Variants in ATP6V1B1 observed in about 807,000 individuals in gnomAD.
ATP6V1B1 encodes the protein ATPase H+ transporting V1 subunit B1, also known as V-type proton ATPase subunit B, kidney isoform.
In ATP6V1B1, 41 loss-of-function variants were observed where a neutral mutation model predicts 62.1. That is an observed-to-expected ratio of 0.66 (90% CI 0.51 to 0.86). The LOEUF is 0.86. Ranked by LOEUF, ATP6V1B1 falls within the 40% of genes least tolerant of loss-of-function variation. ATP6V1B1 has a pLI of 0.00. For missense variants in ATP6V1B1, 651 were observed against 697.5 expected, an observed-to-expected ratio of 0.93 and a Z score of 0.75; for synonymous variants, 253 against 273.4, an observed-to-expected ratio of 0.93 and a Z score of 0.74.
At chr2:70,958,505 A>T in intron 4 of ATP6V1B1, 79 bp downstream of exon 4, 1 of 1,335,992 alleles carries the variant, frequency 7.5e-7, no homozygotes, top group Non-Finnish European at 1.1e-6. Flanking sequence ...CCCTCAGCAC[A>T]CTACACTGTC....
chr2:70,938,962 C>T (rs1553415980), intron 1 of ATP6V1B1, among the ~76,000 whole-genome samples: 1 of 152,246 alleles, frequency 6.6e-6, no homozygotes, highest in Non-Finnish European at 1.5e-5. Context: ...AGGAGTTACA[C>T]GGAGAGAGTC....
chr2:70,964,344 G>C, intron 11 of ATP6V1B1, 94 bp from the exon 12 acceptor site: 1 of 1,321,170 alleles, frequency 7.6e-7, no homozygotes, highest in South Asian at 1.2e-5. Flanking sequence ...CGGAATGTAG[G>C]ATAAGTGAGG....
At chr2:70,962,059 T>C (rs573500897) in intron 8 of ATP6V1B1, among the ~76,000 whole-genome samples, 1 of 151,918 alleles carries the variant, frequency 6.6e-6, no homozygotes, top group East Asian at 1.9e-4. Flanking sequence ...GGGGGTCAGG[T>C]GGATGAAAAC....
At chr2:70,939,125 C>A (rs1679925124) in intron 1 of ATP6V1B1, among the ~76,000 whole-genome samples, 1 of 152,262 alleles carries the variant, frequency 6.6e-6, no homozygotes, top group South Asian at 2.1e-4. Context: ...CTGTCTCAGC[C>A]CTCTCCCAGG....
At chr2:70,941,479 G>A (rs1680004239) in intron 1 of ATP6V1B1, 19 of 981,496 alleles carry the variant, frequency 1.9e-5, no homozygotes, top group Middle Eastern at 5.2e-4. Context: ...CAGCTCAAAC[G>A]GCCCTTCCCA....
At chr2:70,940,333 C>A (rs1679962035) in intron 1 of ATP6V1B1, 1 of 907,166 alleles carries the variant, frequency 1.1e-6, no homozygotes, top group Non-Finnish European at 1.3e-6. Context: ...GCCCCATCCC[C>A]TCCCACACCC....
At chr2:70,943,319 A>C (rs1250696474) in intron 1 of ATP6V1B1, 2 of 508,650 alleles carry the variant, frequency 3.9e-6, no homozygotes, top group Non-Finnish European at 7.2e-6. Flanking sequence ...GCTTGGAGTG[A>C]GAGAGGAGGG....
At chr2:70,948,362 C>T (rs1461671404) in intron 2 of ATP6V1B1, 3 of 154,408 alleles carry the variant, frequency 1.9e-5, no homozygotes, top group Middle Eastern at 5.1e-4. Context: ...CCTCAGCCTC[C>T]CGAGTAGCTA....
At position 70,963,148 on chromosome 2, in the gene ATP6V1B1, C is replaced by T. The variant is rs1553420406; in HGVS notation, c.910-14C>T. 6.2e-7 allele frequency: 1 copy of T among 1,614,082 alleles called. No individual in the cohort carries two copies. On this transcript the variant is annotated splice_polypyrimidine_tract_variant and intron_variant, in intron 9 of 13. Coordinates refer to ENST00000234396, the MANE Select transcript of ATP6V1B1 (RefSeq NM_001692.4). The surrounding 1 kb of genome is among the most constrained non-coding windows in gnomAD (Gnocchi z 4.3). ...TCATCCCCTTTCTTACCCCAGTGCC[C>T]ATGGATATTGCAGGTCTCTGCTGCT... is the stretch of plus-strand genomic sequence containing the variant.
chr2:70,936,154 G>A, intron 1 of ATP6V1B1, 82 bp downstream of exon 1: 1 of 1,450,248 alleles, frequency 6.9e-7, no homozygotes, highest in Non-Finnish European at 9.6e-7. Flanking sequence ...CCCGCTTCTT[G>A]CCTCAGAAAA....
chr2:70,960,383 C>T (rs927165389), intron 6 of ATP6V1B1, among the ~76,000 whole-genome samples: 9 of 152,196 alleles, frequency 5.9e-5, no homozygotes, highest in African/African-American at 2.2e-4. Context: ...TTTACTCACC[C>T]GCTCCTGCTT....
chr2:70,963,625 T>G lies in ATP6V1B1; in HGVS notation c.1114T>G (p.Tyr372Asp). ...LTGFITEGQI[Y>D]VDRQLHNRQI... ...GGGCTTCATCACAGAGGGACAGATC[T>G]ACGTGGACAGACAGCTTCACAACAG... is the stretch of plus-strand genomic sequence containing the variant. Residue 372 changes from tyrosine to aspartate, a missense_variant, in exon 11 of 14, where the codon TAC becomes GAC. Coordinates refer to ENST00000234396, the MANE Select transcript of ATP6V1B1 (RefSeq NM_001692.4). This position sits in a 1 kb window ranked among gnomAD's most constrained non-coding sequence, Gnocchi z 4.3. 1 of 1,614,180 alleles carries G rather than the reference T, an allele frequency of 6.2e-7. No homozygotes were observed.
At position 70,963,489 on chromosome 2, in the gene ATP6V1B1, T is replaced by C; in HGVS notation, c.1061-83T>C. 2 of 1,541,366 alleles carry C rather than the reference T, an allele frequency of 1.3e-6. No homozygotes were observed. The highest frequency in any genetic ancestry group is 1.8e-6 in the Non-Finnish European group (2 of 1,115,770). On this transcript the variant is annotated intron_variant, in intron 10 of 13. Coordinates refer to ENST00000234396, the MANE Select transcript of ATP6V1B1 (RefSeq NM_001692.4). This position sits in a 1 kb window ranked among gnomAD's most constrained non-coding sequence, Gnocchi z 4.3. ...CCCCCACACATCCCTATCACTCCCA[T>C]GAGGGAAACAGACCCCAGGTGGCCC...
Position 70,958,407 on chromosome 2 carries a change from G to C in ATP6V1B1, c.348G>C (p.Pro116=). The C allele has an allele frequency of 6.2e-7, 1 of 1,613,976 alleles. No individual in the cohort carries two copies. The highest frequency in any genetic ancestry group is 8.5e-7 in the Non-Finnish European group (1 of 1,179,944). ...TTACAGGGGACATCCTACGAACTCCGGTGTCAGAGGACATGCTGGGTGAGG... is the reference window on the plus strand; with the variant it reads ...TTACAGGGGACATCCTACGAACTCCCGTGTCAGAGGACATGCTGGGTGAGG... The part of the protein sequence containing the change: ...CEFTGDILRT[P]VSEDMLGRVF... Residue 116 remains proline (P), a synonymous_variant, in exon 4 of 14, where the codon CCG becomes CCC. Transcript: ENST00000234396.
Position 70,963,465 on chromosome 2 carries a change from C to T in ATP6V1B1, c.1061-107C>T. Reference sequence around the variant, plus strand: ...TGCCCTTTCCTCCACCATCCATGCCCCCCACACATCCCTATCACTCCCATG... The same window carrying T: ...TGCCCTTTCCTCCACCATCCATGCCTCCCACACATCCCTATCACTCCCATG... On this transcript the variant is annotated intron_variant, in intron 10 of 13. Transcript: ENST00000234396. This position sits in a 1 kb window ranked among gnomAD's most constrained non-coding sequence, Gnocchi z 4.3. 1 of 1,521,874 alleles carries T rather than the reference C, an allele frequency of 6.6e-7. No homozygotes were observed. The highest frequency in any genetic ancestry group is 9.1e-7 in the Non-Finnish European group (1 of 1,101,130). The allele number at this position is 1,521,874 out of a possible 1,614,324, so 94.3% of individuals were successfully genotyped here. A position where few individuals can be genotyped will look rare whatever the true frequency, so the allele number is the denominator to read the frequency against.
chr2:70,957,139 T>G (rs1171122736), intron 2 of ATP6V1B1, among the ~76,000 whole-genome samples: 2 of 146,974 alleles, frequency 1.4e-5, no homozygotes, highest in Non-Finnish European at 3.0e-5. Context: ...CAGGCTGGAG[T>G]GCAGTGGCGT....
chr2:70,955,010 C>G lies in ATP6V1B1; in HGVS notation c.175-3036C>G, dbSNP rs186258611. ...CCAGCTTCCCAGGCCAAGTCTGTGACCTCCTCTAGCTGTGGGTAAAGACTG... is the reference window on the plus strand; with the variant it reads ...CCAGCTTCCCAGGCCAAGTCTGTGAGCTCCTCTAGCTGTGGGTAAAGACTG... On this transcript the variant is annotated intron_variant, in intron 2 of 13. Transcript: ENST00000234396. Among the ~76,000 whole-genome samples, 3 of 152,282 alleles carry G rather than the reference C, an allele frequency of 2.0e-5. No individual in the cohort carries two copies. In the East Asian group the frequency reaches 5.8e-4, roughly 29 times the overall value.
chr2:70,962,120 A>G (rs782224068), intron 8 of ATP6V1B1, among the ~76,000 whole-genome samples: 3 of 152,214 alleles, frequency 2.0e-5, no homozygotes, highest in Non-Finnish European at 4.4e-5. Context: ...CAGAAAGCAG[A>G]TAATAGAATT....
chr2:70,938,594 G>A, intron 1 of ATP6V1B1: 1 of 985,422 alleles, frequency 1.0e-6, no homozygotes, highest in Non-Finnish European at 1.2e-6. Context: ...GTGGCTGAGA[G>A]AGGATTGGCT....
Sources: gnomAD v4.1 joint callset for allele counts (sites outside exome capture counted in the v4.1 genomes callset) on GRCh38, gnomAD v4.1.1 for gene constraint, Gnocchi (gnomAD v3.1) non-coding constraint, MANE v1.5 for transcripts, NCBI Gene and HGNC (gene_info 2026-07-23, HGNC 2026-07-21) for gene names.